The following CALN1 variants were observed in gnomAD, a reference collection of about 807,000 sequenced individuals.
CALN1 encodes the protein calneuron 1.
A neutral mutation model predicts 30.6 loss-of-function variants in CALN1; 17 were observed. That is an observed-to-expected ratio of 0.56 (90% confidence interval 0.38 to 0.83). The LOEUF (loss-of-function observed/expected upper bound fraction) is 0.83, where lower values mean the gene tolerates loss of function less well. Ranked by LOEUF, CALN1 falls within the 40% of genes least tolerant of loss-of-function variation. The pLI is 0.00. For synonymous variants in CALN1, 156 were observed against 131.4 expected (o/e 1.19, Z -1.28); for missense variants, 291 against 354.9 (o/e 0.82, Z 1.45).
intron 5 of CALN1, among the ~76,000 whole-genome samples, chr7:71,836,276 A>C (rs1789594788): frequency 6.6e-6 from 1 of 152,172 alleles, no homozygotes; most frequent in Non-Finnish European, 1.5e-5. Flanking sequence ...GTGCAACATT[A>C]ACTATCACCC....
At chr7:72,054,548 T>C (rs57642521) in intron 4 of CALN1, among the ~76,000 whole-genome samples, 23,869 of 134,108 alleles carry the variant, frequency 0.18, 3,341 homozygotes, top group East Asian at 0.35. Flanking sequence ...TATATACATA[T>C]ATATATATAT....
Position 71,845,425 on chromosome 7 carries a change from C to T in CALN1, c.502-34933G>A, listed in dbSNP as rs112670862. Among the ~76,000 whole-genome samples, 1,168 of 152,294 alleles carry T rather than the reference C, an allele frequency of 7.7e-3. 12 individuals are homozygous for T. Among genetic ancestry groups the T allele is most frequent in the African/African-American group, 0.027 (1,113 of 41,560 alleles). The stretch of plus-strand genomic sequence containing the variant: ...TCTGTGTGTTTCAATAACTCACCCA[C>T]CTCCACTTCTAGAGGCTGGCTCTAA... On this transcript the variant is annotated intron_variant, in intron 5 of 6. Transcript: ENST00000395275.
At chr7:71,910,974 C>T (rs1251660485) in intron 5 of CALN1, among the ~76,000 whole-genome samples, 2 of 152,176 alleles carry the variant, frequency 1.3e-5, no homozygotes, top group African/African-American at 4.8e-5. Flanking sequence ...GAGATATACA[C>T]ACAGGTATGA....
intron 3 of CALN1, among the ~76,000 whole-genome samples, chr7:72,135,146 C>T (rs767795047): frequency 6.6e-6 from 1 of 152,200 alleles, no homozygotes; most frequent in Non-Finnish European, 1.5e-5. Flanking sequence ...CGACTTCCTC[C>T]ACTGAAGTCT....
chr7:71,836,610 TTCTCTCTG>T (rs1300055930), intron 5 of CALN1, among the ~76,000 whole-genome samples: 3 of 147,550 alleles, frequency 2.0e-5, no homozygotes, highest in African/African-American at 7.8e-5. Context: ...GTCCCATTAT[TTCTCTCTG>T]TCTCTTTTTT....
At chr7:71,871,341 C>T (rs908170585) in intron 5 of CALN1, among the ~76,000 whole-genome samples, 14 of 152,146 alleles carry the variant, frequency 9.2e-5, no homozygotes, top group Admixed American at 2.0e-4. Flanking sequence ...CTCATTTCCC[C>T]GGTATCTGTA....
At position 71,879,770 on chromosome 7, in the gene CALN1, G is replaced by A. The variant is rs555145649; in HGVS notation, c.502-69278C>T. 4.6e-5 allele frequency among the ~76,000 whole-genome samples: 7 copies of A among 152,296 alleles called. No homozygotes were observed. In the East Asian group the frequency reaches 1.3e-3, roughly 29 times the overall value. On this transcript the variant is annotated intron_variant, in intron 5 of 6. Coordinates refer to ENST00000395275, the MANE Select transcript of CALN1 (RefSeq NM_031468.4). ...CCAAAAGGACCCTCCTGGGCTCCAG[G>A]TACCACTCTGATGCTTACGTGCCTC...
intron 2 of CALN1, among the ~76,000 whole-genome samples, chr7:72,384,643 C>G (rs1805099049): frequency 6.7e-6 from 1 of 148,202 alleles, no homozygotes; most frequent in African/African-American, 2.5e-5. Context: ...GACCCCGTCT[C>G]AAGAAAAAAA....
chr7:72,046,727 AAAAAAAAAAAAG>A (rs1802494978), intron 4 of CALN1, among the ~76,000 whole-genome samples: 2 of 144,640 alleles, frequency 1.4e-5, no homozygotes, highest in Non-Finnish European at 3.0e-5. Context: ...AAAAAAAAAA[AAAAAAAAAAAAG>A]GATTGAAAAC....
At chr7:72,502,415 T>C in the CALN1 span, among the ~76,000 whole-genome samples, 1 of 148,982 alleles carries the variant, frequency 6.7e-6, no homozygotes, top group African/African-American at 2.4e-5. Flanking sequence ...ATATACAATA[T>C]ATATTATATA....
chr7:72,131,980 C>T (rs1397593168), intron 3 of CALN1, among the ~76,000 whole-genome samples: 1 of 152,166 alleles, frequency 6.6e-6, no homozygotes, highest in African/African-American at 2.4e-5. Context: ...CCCTCAATCC[C>T]ATTTCCCAAA....
intron 5 of CALN1, among the ~76,000 whole-genome samples, chr7:71,978,270 T>A (rs1239043226): frequency 8.0e-6 from 1 of 125,368 alleles, no homozygotes; most frequent in Non-Finnish European, 1.6e-5. Context: ...TTCTTTTTTT[T>A]TTTTTTTTTT....
At chr7:72,279,280 C>T (rs1797572417) in intron 2 of CALN1, among the ~76,000 whole-genome samples, 1 of 152,196 alleles carries the variant, frequency 6.6e-6, no homozygotes, top group African/African-American at 2.4e-5. Context: ...ATAATATAGG[C>T]ATTGCACTCA....
At chr7:72,461,282 C>A in the CALN1 span, among the ~76,000 whole-genome samples, 1 of 152,196 alleles carries the variant, frequency 6.6e-6, no homozygotes, top group Admixed American at 6.5e-5. Flanking sequence ...AACAGAACTA[C>A]CACCAAACCC....
In CALN1 at chr7:71,897,244, T is replaced by C. The variant is rs138113685; in HGVS notation, c.502-86752A>G. 6.6e-5 allele frequency among the ~76,000 whole-genome samples: 10 copies of C among 152,364 alleles called. No homozygotes were observed. The East Asian group carries it at 1.7e-3, about 26-fold the overall frequency. ...TTTAATTTTGGTGTTTATTGTTTTT[T>C]GTTATTTCAGAAGTATTTTAGTGAG... On this transcript the variant is annotated intron_variant, in intron 5 of 6. Coordinates refer to ENST00000395275, the MANE Select transcript of CALN1 (RefSeq NM_031468.4).
chr7:71,881,205 C>T (rs1261636640), intron 5 of CALN1, among the ~76,000 whole-genome samples: 2 of 152,148 alleles, frequency 1.3e-5, no homozygotes, highest in Non-Finnish European at 2.9e-5. Flanking sequence ...GGCCTTTTGG[C>T]CACAGACTGA....
chr7:72,335,408 T>C (rs776988129), intron 2 of CALN1, among the ~76,000 whole-genome samples: 1 of 152,214 alleles, frequency 6.6e-6, no homozygotes, highest in African/African-American at 2.4e-5. Context: ...GAATGTTGCG[T>C]GTGTCTCAAC....
chr7:72,264,266 C>T (rs1298774758), intron 3 of CALN1, among the ~76,000 whole-genome samples: 1 of 152,122 alleles, frequency 6.6e-6, no homozygotes, highest in Non-Finnish European at 1.5e-5. Context: ...TTTCTGCTTT[C>T]CTCAGCCCTT....
At chr7:72,337,070 G>A in intron 2 of CALN1, 1 of 985,668 alleles carries the variant, frequency 1.0e-6, no homozygotes, top group South Asian at 4.7e-5. Flanking sequence ...GCTCCCGCTG[G>A]CCGCGCGGGT....
Sources: gnomAD v4.1 joint callset for allele counts (sites outside exome capture counted in the v4.1 genomes callset) on GRCh38, gnomAD v4.1.1 for gene constraint, MANE v1.5 for transcripts, NCBI Gene and HGNC (gene_info 2026-07-23, HGNC 2026-07-21) for gene names.